Variants in TDRD15 observed in about 807,000 individuals in gnomAD.
TDRD15 encodes the protein tudor domain-containing protein 15.
For missense variants in TDRD15, 1,416 were observed against 904.7 expected (o/e 1.57, Z -7.25); for synonymous variants, 503 against 314.5 (o/e 1.60, Z -6.34).
In TDRD15 at chr2:21,137,888, T is replaced by A. The variant is rs1410351834; in HGVS notation, c.421T>A (p.Leu141Met). 1 of 716,166 alleles carries A rather than the reference T, an allele frequency of 1.4e-6. No individual in the cohort carries two copies. The highest frequency in any genetic ancestry group is 2.7e-5 in the East Asian group (1 of 37,272). The allele number at this position is 716,166 out of a possible 1,614,324, so 44.4% of individuals were successfully genotyped here. A position where few individuals can be genotyped will look rare whatever the true frequency, so the allele number is the denominator to read the frequency against. The change falls in exon 4 of 4, where the codon TTG becomes ATG. Residue 141 changes from leucine to methionine, a missense_variant. Physicochemically the swap from Leu to Met is conservative, Grantham distance 15. Coordinates refer to ENST00000405799, the MANE Select transcript of TDRD15 (RefSeq NM_001306137.2). ...PVGEKWSPKA[L>M]NYFKSLVGIQ... ...TGGGGAAAAATGGTCCCCTAAAGCT[T>A]TGAATTATTTCAAGTCATTAGTAGG...
chr2:21,135,161 T>G (rs573374410), intron 3 of TDRD15, among the ~76,000 whole-genome samples: 13 of 146,756 alleles, frequency 8.9e-5, no homozygotes, highest in Admixed American at 2.1e-4. Context: ...ATATTTTATA[T>G]ATAAGATATA....
Position 21,140,994 on chromosome 2 carries a change from A to T in TDRD15, c.3527A>T (p.Asn1176Ile), listed in dbSNP as rs1572301689. The T allele has an allele frequency of 2.8e-6, 2 of 714,108 alleles. No individual in the cohort carries two copies. The highest frequency in any genetic ancestry group is 5.4e-5 in the East Asian group (2 of 37,262). The allele number at this position is 714,108 out of a possible 1,614,324, so 44.2% of individuals were successfully genotyped here. A position where few individuals can be genotyped will look rare whatever the true frequency, so the allele number is the denominator to read the frequency against. ...TCTTTGAAAGGCAAAACAGGAAACA[A>T]CTATCGCCATAATGTGATAAATAAA... ...TTSLKGKTGN[N>I]YRHNVINKPS... is the part of the protein sequence containing the mutation. Residue 1176 changes from asparagine to isoleucine, a missense_variant, in exon 4 of 4, where the codon AAC becomes ATC. Transcript: ENST00000405799.
Position 21,140,186 on chromosome 2 carries a change from A to T in TDRD15, c.2719A>T (p.Ile907Phe). 1 of 715,450 alleles carries T rather than the reference A, an allele frequency of 1.4e-6. No homozygotes were observed. The highest frequency in any genetic ancestry group is 1.5e-5 in the South Asian group (1 of 67,482). 44.3% of individuals were successfully genotyped at this position (715,450 alleles called of 1,614,324 possible). A position where few individuals can be genotyped will look rare whatever the true frequency, so the allele number is the denominator to read the frequency against. ...LLTCIIYALV[I>F]IHPNHLYNLV... is the part of the protein sequence containing the mutation. ...GACTTGTATCATCTATGCCTTAGTT[A>T]TTATACATCCAAACCATTTATATAA... The change falls in exon 4 of 4, where the codon ATT becomes TTT. Residue 907 changes from isoleucine (I) to phenylalanine (F), a missense_variant. Coordinates refer to ENST00000405799, the MANE Select transcript of TDRD15 (RefSeq NM_001306137.2).
In TDRD15 at chr2:21,141,005, A is replaced by G. The variant is rs755635554; in HGVS notation, c.3538A>G (p.Asn1180Asp). 8.4e-6 allele frequency: 6 copies of G among 713,210 alleles called. No individual in the cohort carries two copies. The highest frequency in any genetic ancestry group is 1.3e-5 in the Non-Finnish European group (5 of 383,250). 44.2% of individuals were successfully genotyped at this position (713,210 alleles called of 1,614,324 possible). The stretch of plus-strand genomic sequence containing the variant: ...CAAAACAGGAAACAACTATCGCCAT[A>G]ATGTGATAAATAAACCTAGTCCAGT... ...KGKTGNNYRH[N>D]VINKPSPVTY... Residue 1180 changes from asparagine to aspartate, a missense_variant, in exon 4 of 4, where the codon AAT becomes GAT. By Grantham distance (23) the Asn-to-Asp change is conservative (BLOSUM62 1). Coordinates refer to ENST00000405799, the MANE Select transcript of TDRD15 (RefSeq NM_001306137.2).
At chr2:21,132,803 T>G (rs1300269221) in intron 2 of TDRD15, among the ~76,000 whole-genome samples, 2 of 152,188 alleles carry the variant, frequency 1.3e-5, no homozygotes, top group Admixed American at 6.5e-5. Context: ...ATAAATTAGT[T>G]CTTTTATCTA....
At chr2:21,127,458 T>C (rs1558294768) in intron 1 of TDRD15, 143 bp from the exon 2 acceptor site, 2 of 152,252 alleles carry the variant, frequency 1.3e-5, no homozygotes, top group Admixed American at 1.3e-4. Context: ...TGTGGGTTTA[T>C]ATTCCATTTA....
intron 2 of TDRD15, among the ~76,000 whole-genome samples, chr2:21,132,949 G>A (rs1396343284): frequency 6.6e-6 from 1 of 151,950 alleles, no homozygotes; most frequent in Non-Finnish European, 1.5e-5. Context: ...GGCATCCCTG[G>A]CTTCTACCCA....
In TDRD15 at chr2:21,143,605, G is replaced by A. The variant is rs1015020642; in HGVS notation, c.*333G>A. 1.5e-4 allele frequency among the ~76,000 whole-genome samples: 23 copies of A among 151,440 alleles called. No individual in the cohort carries two copies. The highest frequency in any genetic ancestry group is 5.6e-4 in the African/African-American group (23 of 41,420). ...AAAACTACCAACTGAAGGAATACAG[G>A]AAAATAAGACAATGAACTTGAGAAC... On this transcript the variant is annotated 3_prime_UTR_variant, in exon 4 of 4. Coordinates refer to ENST00000405799, the MANE Select transcript of TDRD15 (RefSeq NM_001306137.2).
Position 21,141,540 on chromosome 2 carries a change from C to T in TDRD15, c.4073C>T (p.Ala1358Val), listed in dbSNP as rs752574837. Residue 1358 changes from alanine (A) to valine (V), a missense_variant, in exon 4 of 4, where the codon GCC becomes GTC. By Grantham distance (64) the Ala-to-Val change is moderately conservative. Coordinates refer to ENST00000405799, the MANE Select transcript of TDRD15 (RefSeq NM_001306137.2). Reference sequence around the variant, plus strand: ...GTTGCAGAATATTCTGGTGACAATGCCATTTACAGGGCAGTTATTAAGAAA... The same window carrying T: ...GTTGCAGAATATTCTGGTGACAATGTCATTTACAGGGCAGTTATTAAGAAA... ...LVVAEYSGDN[A>V]IYRAVIKKIL... The T allele has an allele frequency of 3.5e-5, 25 of 714,740 alleles. No individual in the cohort carries two copies. The highest frequency in any genetic ancestry group is 3.3e-4 in the South Asian group (22 of 67,408). 44.3% of individuals were successfully genotyped at this position (714,740 alleles called of 1,614,324 possible).
At chr2:21,128,361 C>T (rs371420716) in intron 2 of TDRD15, among the ~76,000 whole-genome samples, 38 of 147,874 alleles carry the variant, frequency 2.6e-4, no homozygotes, top group African/African-American at 7.8e-4. Flanking sequence ...CTCACTCTGT[C>T]GCCCAGGCTG....
intron 1 of TDRD15, among the ~76,000 whole-genome samples, 157 bp downstream of exon 1, chr2:21,124,203 T>G (rs1440798798): frequency 1.3e-5 from 2 of 152,180 alleles, no homozygotes; most frequent in African/African-American, 2.4e-5. Flanking sequence ...GCTGCTTCTG[T>G]TCTCCCTACC....
chr2:21,141,185 C>A lies in TDRD15; in HGVS notation c.3718C>A (p.Pro1240Thr), dbSNP rs995465254. 2.8e-6 allele frequency: 2 copies of A among 714,634 alleles called. No individual in the cohort carries two copies. The highest frequency in any genetic ancestry group is 3.5e-5 in the African/African-American group (2 of 57,012). The allele number at this position is 714,634 out of a possible 1,614,324, so 44.3% of individuals were successfully genotyped here. The change falls in exon 4 of 4, where the codon CCT (proline) becomes ACT (threonine). Residue 1240 changes from proline (P) to threonine (T), a missense_variant. Pro to Thr is a conservative substitution (Grantham distance 38). Transcript: ENST00000405799. ...TGGGCTTAAAGGTATAAAAATTGTC[C>A]CTGGAGCTGCACATATTCTTGAGAA... Reference protein sequence around the residue: ...NDGLKGIKIVPGAAHILENRR... With the variant: ...NDGLKGIKIVTGAAHILENRR...
Position 21,143,772 on chromosome 2 carries a change from G to GA in TDRD15, c.*504dup, listed in dbSNP as rs1338530960. Among the ~76,000 whole-genome samples, 1 of 151,618 alleles carries GA rather than the reference G, an allele frequency of 6.6e-6. No homozygotes were observed. The highest frequency in any genetic ancestry group is 1.5e-5 in the Non-Finnish European group (1 of 67,680). ...TTTTTCATGTACTAACATCCAAATTGAAAATATGTTGCAGGAAAACTTACT... is the reference window on the plus strand; with the variant it reads ...TTTTTCATGTACTAACATCCAAATTGAAAAATATGTTGCAGGAAAACTTACT... On this transcript the variant is annotated 3_prime_UTR_variant, in exon 4 of 4. Coordinates refer to ENST00000405799, the MANE Select transcript of TDRD15 (RefSeq NM_001306137.2).
downstream of TDRD15, among the ~76,000 whole-genome samples, chr2:21,145,915 A>G (rs1402274089): frequency 1.3e-5 from 2 of 151,936 alleles, no homozygotes; most frequent in African/African-American, 4.8e-5. Flanking sequence ...GTGGTTCTCA[A>G]CCTTGGCTTT....
In TDRD15 at chr2:21,141,914, C is replaced by A. The variant is rs1306881010; in HGVS notation, c.4447C>A (p.Pro1483Thr). 7.0e-6 allele frequency: 5 copies of A among 714,898 alleles called. No individual in the cohort carries two copies. Among genetic ancestry groups the A allele is most frequent in the Non-Finnish European group, 1.3e-5 (5 of 383,496 alleles). The allele number at this position is 714,898 out of a possible 1,614,324, so 44.3% of individuals were successfully genotyped here. A position where few individuals can be genotyped will look rare whatever the true frequency, so the allele number is the denominator to read the frequency against. Residue 1483 changes from proline to threonine, a missense_variant, in exon 4 of 4, where the codon CCT (proline) becomes ACT (threonine). By Grantham distance (38) the Pro-to-Thr change is conservative. Transcript: ENST00000405799. ...SKLQKSALQM[P>T]QVLSQKVRPG... ...ACTGCAGAAGTCAGCATTGCAGATGCCTCAGGTTCTCTCTCAAAAGGTGAG... is the reference window on the plus strand; with the variant it reads ...ACTGCAGAAGTCAGCATTGCAGATGACTCAGGTTCTCTCTCAAAAGGTGAG...
At position 21,137,769 on chromosome 2, in the gene TDRD15, G is replaced by A. The variant is rs1477934479; in HGVS notation, c.302G>A (p.Arg101Lys). 1 of 716,646 alleles carries A rather than the reference G, an allele frequency of 1.4e-6. No homozygotes were observed. The highest frequency in any genetic ancestry group is 2.6e-6 in the Non-Finnish European group (1 of 384,522). 44.4% of individuals were successfully genotyped at this position (716,646 alleles called of 1,614,324 possible). Residue 101 changes from arginine to lysine, a missense_variant, in exon 4 of 4, where the codon AGA becomes AAA. Arg to Lys is a conservative substitution (Grantham distance 26, BLOSUM62 2). Coordinates refer to ENST00000405799, the MANE Select transcript of TDRD15 (RefSeq NM_001306137.2). The part of the protein sequence containing the change: ...VLLIDRGEEL[R>K]VAGPQIASAC... ...CTCATAGATCGCGGAGAAGAACTAA[G>A]AGTTGCTGGTCCACAGATTGCTTCA...
At chr2:21,135,134 TTATA>T (rs200394404) in intron 3 of TDRD15, among the ~76,000 whole-genome samples, 1,678 of 146,296 alleles carry the variant, frequency 0.011, 39 homozygotes, top group African/African-American at 0.039. Flanking sequence ...GTATTAAATA[TTATA>T]TATTTATATA....
At chr2:21,131,463 A>C (rs945989250) in intron 2 of TDRD15, among the ~76,000 whole-genome samples, 35 of 152,220 alleles carry the variant, frequency 2.3e-4, no homozygotes, top group Non-Finnish European at 3.5e-4. Context: ...ACTACTACTC[A>C]TTGAGTTGTT....
Position 21,139,727 on chromosome 2 carries a change from C to G in TDRD15, c.2260C>G (p.Pro754Ala), listed in dbSNP as rs1489797826. 2 of 715,470 alleles carry G rather than the reference C, an allele frequency of 2.8e-6. No homozygotes were observed. The highest frequency in any genetic ancestry group is 2.6e-6 in the Non-Finnish European group (1 of 383,964). 44.3% of individuals were successfully genotyped at this position (715,470 alleles called of 1,614,324 possible). Residue 754 changes from proline (P) to alanine (A), a missense_variant, in exon 4 of 4, where the codon CCA becomes GCA. Transcript: ENST00000405799. ...GCCTTATAAAGAATATATTTTTAGA[C>G]CAGGAACAGTTCTTGAAGTTAAATG... ...SWPYKEYIFRPGTVLEVKCSC... is the reference protein window; with the variant it reads ...SWPYKEYIFRAGTVLEVKCSC...
Sources: gnomAD v4.1 joint callset for allele counts (sites outside exome capture counted in the v4.1 genomes callset) on GRCh38, gnomAD v4.1.1 for gene constraint, MANE v1.5 for transcripts, NCBI Gene and HGNC (gene_info 2026-07-23, HGNC 2026-07-21) for gene names.